The following CALD1 variants were observed in gnomAD, a reference collection of about 807,000 sequenced individuals.
CALD1 encodes the protein caldesmon 1.
CALD1 carries 33 observed loss-of-function variants against 99.9 expected under a neutral mutation model. The ratio of observed to expected loss-of-function variants is 0.33; its 90% CI spans 0.25 to 0.44. The LOEUF (loss-of-function observed/expected upper bound fraction) is 0.44. Ranked by LOEUF, CALD1 falls within the 20% of genes least tolerant of loss-of-function variation. The pLI is 1.00. For missense variants in CALD1, 861 were observed against 962.1 expected, an observed-to-expected ratio of 0.89 and a Z score of 1.39; for synonymous variants, 310 against 325.0, an observed-to-expected ratio of 0.95 and a Z score of 0.50.
chr7:134,886,922 A>T (rs544936248), intron 3 of CALD1, among the ~76,000 whole-genome samples: 1 of 152,324 alleles, frequency 6.6e-6, no homozygotes, highest in East Asian at 1.9e-4. Context: ...CACAGCACTT[A>T]GTGCAATGAC....
Position 134,904,614 on chromosome 7 carries a change from T to C in CALD1, c.72-24140T>C, listed in dbSNP as rs1432754702. On this transcript the variant is annotated intron_variant, in intron 3 of 14. Coordinates refer to ENST00000361675, the MANE Select transcript of CALD1 (RefSeq NM_033138.4). ...AAATGAAATGCCAGCTGGCTGAAGT[T>C]TGTTGGGGCAGGGAGGACAGCTGGG... 2.0e-5 allele frequency among the ~76,000 whole-genome samples: 3 copies of C among 152,124 alleles called. No individual in the cohort carries two copies. In the South Asian group the frequency reaches 6.2e-4, roughly 32 times the overall value.
intron 1 of CALD1, among the ~76,000 whole-genome samples, chr7:134,756,331 A>C (rs1379232076): frequency 7.9e-6 from 1 of 126,872 alleles, no homozygotes. Context: ...AAATTCAAAA[A>C]TTAAATACTA....
At chr7:134,712,046 A>T in the CALD1 span, among the ~76,000 whole-genome samples, 1 of 36,880 alleles carries the variant, frequency 2.7e-5, no homozygotes, top group African/African-American at 2.3e-4. Flanking sequence ...AAGGAGGGAG[A>T]GAGGGAGGGA....
upstream of CALD1, among the ~76,000 whole-genome samples, chr7:134,742,357 G>A (rs1271383963): frequency 6.6e-6 from 1 of 152,210 alleles, no homozygotes; most frequent in Non-Finnish European, 1.5e-5. Flanking sequence ...ATCACCCTTG[G>A]AGAATGCTTT....
At chr7:134,785,105 C>T (rs764683756) in intron 1 of CALD1, among the ~76,000 whole-genome samples, 8 of 152,112 alleles carry the variant, frequency 5.3e-5, no homozygotes, top group Non-Finnish European at 1.0e-4. Context: ...GCATGGAAGG[C>T]AAATTAGCTG....
intron 3 of CALD1, among the ~76,000 whole-genome samples, chr7:134,893,960 G>A (rs554268466): frequency 2.0e-5 from 3 of 152,130 alleles, no homozygotes; most frequent in Admixed American, 2.0e-4. Flanking sequence ...TAAACAAAGG[G>A]GGCAGAGGAA....
the CALD1 span, among the ~76,000 whole-genome samples, chr7:134,711,680 ATGTGTGTGTGTGTG>A: frequency 0.015 from 1,683 of 109,548 alleles, 49 homozygotes; most frequent in East Asian, 0.094. Context: ...ATATATATAT[ATGTGTGTGTGTGTG>A]TGTGTGTGTG....
At chr7:134,809,878 A>C (rs1798290589) in intron 1 of CALD1, among the ~76,000 whole-genome samples, 1 of 152,206 alleles carries the variant, frequency 6.6e-6, no homozygotes, top group Non-Finnish European at 1.5e-5. Flanking sequence ...TGCTAGAAAA[A>C]AAATTAAGCT....
At chr7:134,738,075 C>T in the CALD1 span, among the ~76,000 whole-genome samples, 4,960 of 152,214 alleles carry the variant, frequency 0.033, 274 homozygotes, top group African/African-American at 0.11. Flanking sequence ...TCCTCCCTGA[C>T]GGTTCAGGCC....
rs369066569 is a variant in CALD1, at chr7:134,947,749, G to T, written c.1774G>T (p.Asp592Tyr). ...EEQRRKQEEA[D>Y]RKLREEEEKR... is the part of the protein sequence containing the mutation. ...GCAGAGGAGGAAGCAGGAGGAAGCC[G>T]ATCGAAAACTCAGAGAGGAGGTAAG... Residue 592 changes from aspartate to tyrosine, a missense_variant, in exon 8 of 15, where the codon GAT becomes TAT. Asp to Tyr is a radical substitution (Grantham distance 160). Transcript: ENST00000361675. 1 of 1,613,822 alleles carries T rather than the reference G, an allele frequency of 6.2e-7. No individual in the cohort carries two copies. Among genetic ancestry groups the T allele is most frequent in the Non-Finnish European group, 8.5e-7 (1 of 1,179,892 alleles).
the CALD1 span, among the ~76,000 whole-genome samples, chr7:134,731,729 C>T: frequency 1.3e-5 from 2 of 151,496 alleles, no homozygotes; most frequent in African/African-American, 4.9e-5. Context: ...ATTCTCTCTT[C>T]TCTCTGCTTT....
intron 3 of CALD1, among the ~76,000 whole-genome samples, chr7:134,876,231 C>G (rs897448839): frequency 6.6e-6 from 1 of 152,118 alleles, no homozygotes; most frequent in Non-Finnish European, 1.5e-5. Flanking sequence ...GCCAAGAATC[C>G]CTGATCTAAT....
At chr7:134,746,277 T>C (rs1312751614) in intron 1 of CALD1, among the ~76,000 whole-genome samples, 1 of 152,162 alleles carries the variant, frequency 6.6e-6, no homozygotes, top group Non-Finnish European at 1.5e-5. Context: ...CTTGTCCCCT[T>C]CACTCTGTGA....
chr7:134,728,845 CTTTTTTTTTT>C, the CALD1 span, among the ~76,000 whole-genome samples: 2 of 124,226 alleles, frequency 1.6e-5, no homozygotes, highest in Non-Finnish European at 3.5e-5. Context: ...TATACCTTTT[CTTTTTTTTTT>C]TTTTTTTTTT....
intron 1 of CALD1, among the ~76,000 whole-genome samples, chr7:134,748,652 A>G (rs1035239438): frequency 6.6e-6 from 1 of 152,168 alleles, no homozygotes; most frequent in Non-Finnish European, 1.5e-5. Flanking sequence ...CAGAGGTTGC[A>G]GTGAGCCAAG....
chr7:134,818,176 A>C (rs1475591821), intron 1 of CALD1, among the ~76,000 whole-genome samples: 1 of 152,206 alleles, frequency 6.6e-6, no homozygotes, highest in African/African-American at 2.4e-5. Context: ...GGAAAATACA[A>C]TATTTTACTT....
chr7:134,879,273 T>C (rs1801488379), intron 3 of CALD1, among the ~76,000 whole-genome samples: 3 of 152,220 alleles, frequency 2.0e-5, no homozygotes. Flanking sequence ...TGTAAGTGGA[T>C]TCTCATTCAT....
upstream of CALD1, among the ~76,000 whole-genome samples, chr7:134,741,015 A>G (rs775715022): frequency 1.3e-4 from 20 of 152,274 alleles, no homozygotes; most frequent in Admixed American, 1.0e-3. Flanking sequence ...GAGGTTAGGT[A>G]CCTTAGTAAA....
intron 1 of CALD1, among the ~76,000 whole-genome samples, chr7:134,793,267 A>T (rs983475382): frequency 7.9e-5 from 12 of 152,244 alleles, no homozygotes; most frequent in African/African-American, 2.9e-4. Context: ...ATATATGCTG[A>T]TCACAACCAC....
Sources: allele counts gnomAD v4.1 joint callset (sites outside exome capture counted in the v4.1 genomes callset), GRCh38; gene constraint gnomAD v4.1.1; transcripts MANE v1.5; gene names NCBI Gene and HGNC (gene_info 2026-07-23, HGNC 2026-07-21).